Variants in SLIT2 observed in about 807,000 individuals in gnomAD.
The protein encoded by SLIT2 is slit homolog 2 protein.
Under a neutral mutation model 185.7 loss-of-function variants are expected in SLIT2, and 41 were observed. That is an observed-to-expected ratio of 0.22 (90% CI 0.17 to 0.29). The LOEUF is 0.29. Ranked by LOEUF, SLIT2 falls within the 10% of genes least tolerant of loss-of-function variation. SLIT2 has a pLI of 1.00. For synonymous variants in SLIT2, 693 were observed against 680.2 expected (o/e 1.02, Z -0.29); for missense variants, 1,571 against 1,909.0 (o/e 0.82, Z 3.30).
intron 4 of SLIT2, among the ~76,000 whole-genome samples, chr4:20,390,973 T>C (rs1466502564): frequency 1.3e-5 from 2 of 151,972 alleles, no homozygotes; most frequent in Admixed American, 6.6e-5. Context: ...TGCATAATCT[T>C]ACATAATTTT....
intron 4 of SLIT2, among the ~76,000 whole-genome samples, chr4:20,296,696 A>C (rs1310000792): frequency 5.9e-5 from 9 of 152,220 alleles, no homozygotes; most frequent in Non-Finnish European, 1.0e-4. Context: ...TTTCTTTTAC[A>C]CTGCCGCACC....
intron 3 of SLIT2, among the ~76,000 whole-genome samples, chr4:20,267,970 A>G (rs908355136): frequency 2.6e-5 from 4 of 151,876 alleles, no homozygotes; most frequent in African/African-American, 7.2e-5. Flanking sequence ...TAGATTTGGG[A>G]AAAGCAGAGA....
chr4:20,281,879 A>G (rs1411057383), intron 4 of SLIT2, among the ~76,000 whole-genome samples: 1 of 152,228 alleles, frequency 6.6e-6, no homozygotes, highest in Non-Finnish European at 1.5e-5. Context: ...AAAAATTCAC[A>G]AGGTATATCC....
At chr4:20,586,679 A>G (rs1262900314) in intron 29 of SLIT2, among the ~76,000 whole-genome samples, 1 of 152,234 alleles carries the variant, frequency 6.6e-6, no homozygotes, top group East Asian at 1.9e-4. Context: ...ACATAAACAA[A>G]TATATACCAT....
intron 6 of SLIT2, among the ~76,000 whole-genome samples, chr4:20,483,547 T>G (rs929395689): frequency 2.6e-5 from 4 of 152,068 alleles, no homozygotes; most frequent in Non-Finnish European, 5.9e-5. Flanking sequence ...TTTACATGTT[T>G]ATTTTTCTTT....
chr4:20,277,488 T>C (rs1309600310), intron 4 of SLIT2, among the ~76,000 whole-genome samples: 2 of 151,798 alleles, frequency 1.3e-5, no homozygotes, highest in African/African-American at 4.8e-5. Flanking sequence ...TATGATTGAA[T>C]TTACATTATA....
intron 4 of SLIT2, among the ~76,000 whole-genome samples, chr4:20,379,005 T>G (rs1724260215): frequency 6.6e-6 from 1 of 152,136 alleles, no homozygotes. Context: ...ACATACAGTG[T>G]GATTCCAACT....
At position 20,589,556 on chromosome 4, in the gene SLIT2, C is replaced by T. The variant is rs1727334828; in HGVS notation, c.3089-88C>T. 5.0e-6 allele frequency: 5 copies of T among 990,866 alleles called. No homozygotes were observed. In the Admixed American group the frequency reaches 9.6e-5, roughly 19 times the overall value. 61.4% of individuals were successfully genotyped at this position (990,866 alleles called of 1,614,324 possible). A position where few individuals can be genotyped will look rare whatever the true frequency, so the allele number is the denominator to read the frequency against. On this transcript the variant is annotated intron_variant, in intron 29 of 36. Coordinates refer to ENST00000504154, the MANE Select transcript of SLIT2 (RefSeq NM_004787.4). Reference sequence around the variant, plus strand: ...TGTTTTAAATCACAAGCTGCCCTAACCTCTAAGACCCATGACAATGACACA... The same window carrying T: ...TGTTTTAAATCACAAGCTGCCCTAATCTCTAAGACCCATGACAATGACACA...
intron 4 of SLIT2, among the ~76,000 whole-genome samples, chr4:20,352,668 C>G (rs1024603313): frequency 6.6e-6 from 1 of 152,168 alleles, no homozygotes; most frequent in Non-Finnish European, 1.5e-5. Context: ...AATCCCAGCA[C>G]TTTGGGAGGC....
At chr4:20,283,944 A>G (rs548777978) in intron 4 of SLIT2, among the ~76,000 whole-genome samples, 1 of 152,080 alleles carries the variant, frequency 6.6e-6, no homozygotes, top group Non-Finnish European at 1.5e-5. Flanking sequence ...TTTCCATACC[A>G]TGTATATATC....
rs534564401 is a variant in SLIT2 at position 20,561,811 on chromosome 4, G to A, written c.2726-5451G>A. Among the ~76,000 whole-genome samples the A allele has an allele frequency of 3.9e-4, 59 of 151,656 alleles. No individual in the cohort carries two copies. The South Asian group carries it at 0.012, about 31-fold the overall frequency. On this transcript the variant is annotated intron_variant, in intron 26 of 36. Transcript: ENST00000504154. The stretch of plus-strand genomic sequence containing the variant: ...GCTAAACGTACCATTTAAAAAAGGG[G>A]GGGCTCTTTTATTATACTTTTTAAA...
At chr4:20,497,116 C>G (rs1204832425) in intron 9 of SLIT2, among the ~76,000 whole-genome samples, 4 of 150,630 alleles carry the variant, frequency 2.7e-5, no homozygotes, top group Non-Finnish European at 2.9e-5. Flanking sequence ...AATAGGTACC[C>G]TATTATGGAG....
chr4:20,571,886 T>G (rs576652648), intron 29 of SLIT2, among the ~76,000 whole-genome samples: 1 of 152,370 alleles, frequency 6.6e-6, no homozygotes, highest in Non-Finnish European at 1.5e-5. Flanking sequence ...TTTTTGTATT[T>G]GACACCTATG....
intron 4 of SLIT2, among the ~76,000 whole-genome samples, chr4:20,387,690 A>G (rs1280900641): frequency 6.6e-6 from 1 of 152,140 alleles, no homozygotes; most frequent in Admixed American, 6.5e-5. Flanking sequence ...CCCACGGGCA[A>G]CAAAAAGAGA....
chr4:20,278,945 T>G (rs1289156745), intron 4 of SLIT2, among the ~76,000 whole-genome samples: 1 of 152,162 alleles, frequency 6.6e-6, no homozygotes, highest in African/African-American at 2.4e-5. Context: ...CATGTATTTC[T>G]TTTATACTAA....
Position 20,488,842 on chromosome 4 carries a change from A to T in SLIT2, c.635A>T (p.Tyr212Phe). The T allele has an allele frequency of 6.2e-7, 1 of 1,609,240 alleles. No individual in the cohort carries two copies. Among genetic ancestry groups the T allele is most frequent in the South Asian group, 1.1e-5 (1 of 90,536 alleles). ...AGTCGACTGCATTCAAACAACCTGT[A>T]TTGTGACTGCCACCTGGCCTGGCTC... ...RTFRLHSNNL[Y>F]CDCHLAWLSD... The change falls in exon 8 of 37, where the codon TAT becomes TTT. Residue 212 changes from tyrosine (Y) to phenylalanine (F), a missense_variant. This residue lies in a region of SLIT2 where 1,202 missense variants were observed against 1,416.4 expected (regional missense o/e 0.85). Coordinates refer to ENST00000504154, the MANE Select transcript of SLIT2 (RefSeq NM_004787.4).
intron 4 of SLIT2, among the ~76,000 whole-genome samples, chr4:20,294,153 G>C (rs1261449878): frequency 2.6e-5 from 4 of 151,968 alleles, no homozygotes; most frequent in East Asian, 1.9e-4. Flanking sequence ...TTTGAGACTA[G>C]CCTGGCCAAC....
chr4:20,476,746 A>G (rs1170712235), intron 5 of SLIT2, among the ~76,000 whole-genome samples: 1 of 152,186 alleles, frequency 6.6e-6, no homozygotes, highest in African/African-American at 2.4e-5. Flanking sequence ...TGTATATGTA[A>G]TTCAAACTCA....
In SLIT2 at chr4:20,568,973, C is replaced by T. The variant is rs1157575605; in HGVS notation, c.3057C>T (p.Asn1019=). ...NNSTCVDGIN[N]YTCLCPPEYT... ...CTACATGTGTCGATGGCATTAATAA[C>T]TACACATGCCTTTGCCCACCTGAGT... The change falls in exon 29 of 37, where the codon AAC becomes AAT. Residue 1019 remains asparagine (N), a synonymous_variant. Coordinates refer to ENST00000504154, the MANE Select transcript of SLIT2 (RefSeq NM_004787.4). 1.2e-6 allele frequency: 2 copies of T among 1,612,292 alleles called. No homozygotes were observed. Among genetic ancestry groups the T allele is most frequent in the African/African-American group, 1.3e-5 (1 of 74,860 alleles).
Sources: gnomAD v4.1 joint callset for allele counts (sites outside exome capture counted in the v4.1 genomes callset) on GRCh38, gnomAD v4.1.1 for gene constraint, gnomAD v4.1.1 regional missense constraint, MANE v1.5 for transcripts, NCBI Gene and HGNC (gene_info 2026-07-23, HGNC 2026-07-21) for gene names.